The following MRTFA variants were observed in gnomAD, a reference collection of about 807,000 sequenced individuals.
MRTFA encodes myocardin related transcription factor A.
Under a neutral mutation model 83.5 loss-of-function variants are expected in MRTFA, and 20 were observed. The ratio of observed to expected loss-of-function variants is 0.24; its 90% CI spans 0.17 to 0.35. The LOEUF is 0.35. Ranked by LOEUF, MRTFA falls within the 10% of genes least tolerant of loss-of-function variation. MRTFA has a pLI of 1.00. For synonymous variants in MRTFA, 659 were observed against 541.2 expected (o/e 1.22, Z -3.02); for missense variants, 1,200 against 1,224.7 (o/e 0.98, Z 0.30).
chr22:40,442,412 T>A (rs1182215405), intron 4 of MRTFA, among the ~76,000 whole-genome samples: 1 of 152,186 alleles, frequency 6.6e-6, no homozygotes, highest in Admixed American at 6.5e-5. Context: ...TTTTCCAGTG[T>A]GGAAGCAGGG....
At chr22:40,580,170 T>C (rs919284746) in intron 2 of MRTFA, among the ~76,000 whole-genome samples, 4 of 152,024 alleles carry the variant, frequency 2.6e-5, no homozygotes, top group African/African-American at 9.7e-5. Flanking sequence ...AGCCCAATAA[T>C]TTTTTTTAAA....
At chr22:40,482,428 CAG>C (rs2054106991) in intron 3 of MRTFA, among the ~76,000 whole-genome samples, 2 of 152,166 alleles carry the variant, frequency 1.3e-5, no homozygotes, top group Non-Finnish European at 2.9e-5. Flanking sequence ...TGGTGGCAAA[CAG>C]ATCTCAAAGT....
intron 3 of MRTFA, among the ~76,000 whole-genome samples, chr22:40,463,848 T>C (rs1374949896): frequency 6.6e-6 from 1 of 152,216 alleles, no homozygotes; most frequent in Non-Finnish European, 1.5e-5. Context: ...TTTTTCTTCT[T>C]TCTCTTCACT....
intron 1 of MRTFA, among the ~76,000 whole-genome samples, chr22:40,632,812 T>A (rs2056655601): frequency 6.6e-6 from 1 of 152,190 alleles, no homozygotes; most frequent in Non-Finnish European, 1.5e-5. Flanking sequence ...TCACAGAAAC[T>A]GTGAAAAATA....
At chr22:40,515,973 T>A (rs560848581) in intron 3 of MRTFA, among the ~76,000 whole-genome samples, 122 of 152,290 alleles carry the variant, frequency 8.0e-4, no homozygotes, top group Non-Finnish European at 1.3e-3. Context: ...ACATCCAAAC[T>A]ACCTACCTTA....
At chr22:40,572,938 G>A (rs189568984) in intron 2 of MRTFA, among the ~76,000 whole-genome samples, 9 of 152,278 alleles carry the variant, frequency 5.9e-5, no homozygotes, top group East Asian at 3.9e-4. Flanking sequence ...CTTGGGTGGC[G>A]ACACAGCCAA....
chr22:40,566,731 G>A (rs1306069100), intron 2 of MRTFA, among the ~76,000 whole-genome samples: 1 of 152,316 alleles, frequency 6.6e-6, no homozygotes, highest in East Asian at 1.9e-4. Context: ...TACTAGGGAT[G>A]CTGAAGCAGG....
At chr22:40,445,283 T>C (rs1394907809) in intron 4 of MRTFA, among the ~76,000 whole-genome samples, 2 of 152,196 alleles carry the variant, frequency 1.3e-5, no homozygotes, top group Non-Finnish European at 2.9e-5. Context: ...CTTTCTCTCA[T>C]ATACCGTAAT....
chr22:40,457,436 G>GAAAGAAAGAA (rs774183094), intron 4 of MRTFA, among the ~76,000 whole-genome samples: 78 of 119,884 alleles, frequency 6.5e-4, no homozygotes, highest in Middle Eastern at 7.8e-3. Context: ...AAGAAAGAAA[G>GAAAGAAAGAA]AGAAAGAAAG....
chr22:40,420,144 T>C (rs2052797951), intron 11 of MRTFA, among the ~76,000 whole-genome samples: 2 of 152,226 alleles, frequency 1.3e-5, no homozygotes, highest in African/African-American at 4.8e-5. Flanking sequence ...TGCGACTGCC[T>C]GGACAGATGC....
chr22:40,604,657 G>A (rs186256708), intron 1 of MRTFA, among the ~76,000 whole-genome samples: 34 of 152,132 alleles, frequency 2.2e-4, no homozygotes, highest in Admixed American at 2.0e-3. Context: ...TGAGGCAGGA[G>A]AATCGCTTGA....
chr22:40,507,003 C>T (rs1036388504), intron 3 of MRTFA, among the ~76,000 whole-genome samples: 2 of 152,320 alleles, frequency 1.3e-5, no homozygotes, highest in East Asian at 1.9e-4. Context: ...GGATACATTA[C>T]GGTCTCCAAT....
rs747468224 is a variant in MRTFA, at chr22:40,419,071, G to T, written c.1667C>A (p.Thr556Asn). 1.2e-6 allele frequency: 2 copies of T among 1,608,618 alleles called. No individual in the cohort carries two copies. Among genetic ancestry groups the T allele is most frequent in the Non-Finnish European group, 1.7e-6 (2 of 1,178,104 alleles). ...GCTGAGCAGTGAGCGCTCCGAGGGG[G>T]TGGGAGACACGGGGGGCGTGGAGCC... Residue 556 changes from threonine (T) to asparagine (N), a missense_variant, in exon 12 of 15, where the codon ACC (threonine) becomes AAC (asparagine). Thr to Asn is a moderately conservative substitution (Grantham distance 65, BLOSUM62 0). Transcript: ENST00000355630.
chr22:40,442,927 TAGA>T (rs1319863156), intron 4 of MRTFA, among the ~76,000 whole-genome samples: 1 of 152,122 alleles, frequency 6.6e-6, no homozygotes, highest in Non-Finnish European at 1.5e-5. Context: ...ATAATGTGGC[TAGA>T]AGAATAAGCT....
chr22:40,604,229 C>T (rs541098661), intron 1 of MRTFA, among the ~76,000 whole-genome samples: 2 of 151,512 alleles, frequency 1.3e-5, no homozygotes, highest in East Asian at 4.0e-4. Flanking sequence ...CTCCCAGGTT[C>T]ACGCCATTCT....
chr22:40,533,670 T>C (rs1039422475), intron 3 of MRTFA: 57 of 1,205,204 alleles, frequency 4.7e-5, no homozygotes, highest in Admixed American at 1.3e-4. Context: ...TCCACAAATA[T>C]AATGAAGAAA....
At chr22:40,585,961 C>G (rs1351978311) in intron 2 of MRTFA, among the ~76,000 whole-genome samples, 1 of 152,124 alleles carries the variant, frequency 6.6e-6, no homozygotes, top group South Asian at 2.1e-4. Flanking sequence ...TAGAAACGAG[C>G]AGATTGCACT....
At chr22:40,473,630 A>C (rs1266594329) in intron 3 of MRTFA, among the ~76,000 whole-genome samples, 1 of 152,210 alleles carries the variant, frequency 6.6e-6, no homozygotes, top group Admixed American at 6.5e-5. Context: ...AACAGACACC[A>C]ATACTTTTAG....
intron 4 of MRTFA, among the ~76,000 whole-genome samples, chr22:40,449,220 T>C (rs1350421337): frequency 6.7e-6 from 1 of 149,870 alleles, no homozygotes; most frequent in Non-Finnish European, 1.5e-5. Context: ...TGAGCCGAGA[T>C]TGCGCCACTA....
Sources: gnomAD v4.1 joint callset for allele counts (sites outside exome capture counted in the v4.1 genomes callset) on GRCh38, gnomAD v4.1.1 for gene constraint, MANE v1.5 for transcripts, NCBI Gene and HGNC (gene_info 2026-07-23, HGNC 2026-07-21) for gene names.